ADCY7: variants seen among roughly 807,000 people sequenced by gnomAD.
ADCY7 encodes adenylate cyclase 7, also known as adenylate cyclase type 7.
A neutral mutation model predicts 120.6 loss-of-function variants in ADCY7; 72 were observed. The observed-to-expected ratio is 0.60, with a 90% CI of 0.49 to 0.73. ADCY7 has a LOEUF of 0.73. ADCY7 is among the 30% of genes least tolerant of loss of function. The pLI, the probability that ADCY7 is intolerant of heterozygous loss-of-function variation, is 0.00. For missense variants in ADCY7, 1,227 were observed against 1,486.0 expected (o/e 0.83, Z 2.87); for synonymous variants, 661 against 628.0 (o/e 1.05, Z -0.78).
At chr16:50,272,702 C>G in intron 1 of ADCY7, among the ~76,000 whole-genome samples, 1 of 152,108 alleles carries the variant, frequency 6.6e-6, no homozygotes, top group Non-Finnish European at 1.5e-5. Context: ...GTCTGGGTCT[C>G]CCTCCTCCTG....
chr16:50,312,758 G>GGCCGCCC, intron 21 of ADCY7, 132 bp from the exon 22 acceptor site: 1 of 791,774 alleles, frequency 1.3e-6, no homozygotes, highest in Non-Finnish European at 1.9e-6. Context: ...AACTCATGCA[G>GGCCGCCC]CCCGCCCCCC....
At chr16:50,245,592 A>G (rs1197252520), upstream of ADCY7, among the ~76,000 whole-genome samples, 1 of 152,114 alleles carries the variant, frequency 6.6e-6, no homozygotes, top group African/African-American at 2.4e-5. Context: ...GAGGACACCT[A>G]CAGGGGTGGT....
At chr16:50,277,373 GTAT>G (rs2033960563) in intron 1 of ADCY7, among the ~76,000 whole-genome samples, 2 of 152,150 alleles carry the variant, frequency 1.3e-5, no homozygotes, top group Non-Finnish European at 2.9e-5. Flanking sequence ...ACTTTGTTAG[GTAT>G]TATTAAACTA....
At position 50,314,394 on chromosome 16, in the gene ADCY7, C is replaced by A; in HGVS notation, c.2959C>A (p.Arg987Ser). The A allele has an allele frequency of 6.2e-7, 1 of 1,613,768 alleles. No individual in the cohort carries two copies. Among genetic ancestry groups the A allele is most frequent in the South Asian group, 1.1e-5 (1 of 91,078 alleles). ...CAACAGGCACTCCTTCAACTCCTTC[C>A]GCCTCCGCGTCGGTGAGCCCGGGTG... ...GINRHSFNSFRLRVGINHGPV... is the reference protein window; with the variant it reads ...GINRHSFNSFSLRVGINHGPV... Residue 987 changes from arginine to serine, a missense_variant, in exon 24 of 26, where the codon CGC becomes AGC. Physicochemically the swap from Arg to Ser is moderately radical, Grantham distance 110. Around this residue, in one of 5 missense-constraint regions of ADCY7, gnomAD observed 244 missense variants for 332.8 expected, o/e 0.73. Coordinates refer to ENST00000673801, the MANE Select transcript of ADCY7 (RefSeq NM_001114.5).
Position 50,292,724 on chromosome 16 carries a change from T to G in ADCY7, c.586T>G (p.Phe196Val). 6.2e-7 allele frequency: 1 copy of G among 1,613,962 alleles called. No homozygotes were observed. The highest frequency in any genetic ancestry group is 8.5e-7 in the Non-Finnish European group (1 of 1,179,982). ...CCTGTGTGGGAACCTGACAGGCGCCTTCCACAAGCACCAAATGCAGGATGC... is the reference window on the plus strand; with the variant it reads ...CCTGTGTGGGAACCTGACAGGCGCCGTCCACAAGCACCAAATGCAGGATGC... Reference protein sequence around the residue: ...IFLCGNLTGAFHKHQMQDASR... With the variant: ...IFLCGNLTGAVHKHQMQDASR... The change falls in exon 5 of 26, where the codon TTC becomes GTC. Residue 196 changes from phenylalanine to valine, a missense_variant. By Grantham distance (50) the Phe-to-Val change is conservative. Coordinates refer to ENST00000673801, the MANE Select transcript of ADCY7 (RefSeq NM_001114.5).
chr16:50,317,734 G>GTAA lies in ADCY7; in HGVS notation c.*2231_*2233dup, dbSNP rs1197537516. The GTAA allele has an allele frequency of 2.0e-5, 3 of 152,426 alleles. No homozygotes were observed. The East Asian group carries it at 5.6e-4, about 29-fold the overall frequency. 9.4% of individuals were successfully genotyped at this position (152,426 alleles called of 1,614,324 possible). On this transcript the variant is annotated 3_prime_UTR_variant, in exon 26 of 26. Coordinates refer to ENST00000673801, the MANE Select transcript of ADCY7 (RefSeq NM_001114.5). ...TATGAACTTGTTTTTAAATTACCAA[G>GTAA]TAATTACTGGTGTCATTTTGTTTTA...
rs762471860 is a variant in ADCY7 at position 50,254,621 on chromosome 16, A to T, written c.-64+8418A>T. Among the ~76,000 whole-genome samples the T allele has an allele frequency of 5.6e-4, 86 of 152,244 alleles. 3 individuals are homozygous for T. Among genetic ancestry groups the T allele is most frequent in the Non-Finnish European group, 1.3e-4 (9 of 68,048 alleles). ...TATAAAACAATGAACCAAGAAATGG[A>T]ACAAGATACAAATAGATGGGATTTT... On this transcript the variant is annotated intron_variant, in intron 1 of 4. Transcript: ENST00000564044.
chr16:50,252,086 G>C (rs1282160473), intron 1 of ADCY7, among the ~76,000 whole-genome samples: 1 of 152,094 alleles, frequency 6.6e-6, no homozygotes, highest in Non-Finnish European at 1.5e-5. Context: ...GGGGTGGCTC[G>C]CTGACCACGC....
chr16:50,312,256 G>T, intron 21 of ADCY7, 65 bp downstream of exon 21: 2 of 1,576,580 alleles, frequency 1.3e-6, no homozygotes, highest in Admixed American at 3.4e-5. Context: ...TCCGTAGGGT[G>T]AAGGTGTGGA....
At chr16:50,302,720 G>A (rs2035811242) in intron 10 of ADCY7, among the ~76,000 whole-genome samples, 2 of 152,098 alleles carry the variant, frequency 1.3e-5, no homozygotes, top group African/African-American at 2.4e-5. Context: ...TCCCTCCACA[G>A]GGATTTTCAC....
intron 18 of ADCY7, 96 bp from the exon 19 acceptor site, chr16:50,310,591 G>GAGGTT: frequency 6.3e-7 from 1 of 1,592,910 alleles, no homozygotes; most frequent in Admixed American, 1.7e-5. Context: ...GCGTGATGCT[G>GAGGTT]AGGTGCAGGG....
intron 17 of ADCY7, 82 bp downstream of exon 17, chr16:50,308,874 G>C: frequency 6.7e-7 from 1 of 1,490,794 alleles, no homozygotes; most frequent in Non-Finnish European, 8.9e-7. Context: ...GGCCTTAAAA[G>C]CTGCCTCTGG....
intron 10 of ADCY7, 30 bp from the exon 11 acceptor site, chr16:50,304,330 G>A: frequency 4.9e-6 from 7 of 1,433,250 alleles, no homozygotes; most frequent in South Asian, 1.5e-5. Flanking sequence ...GGAGGAGGTG[G>A]CACAGGCCCA....
rs535307466 is a variant in ADCY7, at chr16:50,286,320, G to A, written c.-268-1592G>A. Among the ~76,000 whole-genome samples the A allele has an allele frequency of 1.0e-4, 15 of 148,640 alleles. No individual in the cohort carries two copies. In the East Asian group the frequency reaches 1.2e-3, roughly 12 times the overall value. ...CCTGCATAGCTGAGGTCCCAGCTAC[G>A]CAGGAGTCTGAGGTGGGAGGATTGC... On this transcript the variant is annotated intron_variant, in intron 1 of 25. Transcript: ENST00000673801.
intron 1 of ADCY7, among the ~76,000 whole-genome samples, chr16:50,260,897 T>C (rs567837561): frequency 2.6e-5 from 4 of 152,272 alleles, no homozygotes; most frequent in Non-Finnish European, 4.4e-5. Flanking sequence ...AGAAGCCGCA[T>C]ATTGTGGTTT....
intron 22 of ADCY7, chr16:50,313,313 G>C (rs2036587222): frequency 1.6e-5 from 5 of 316,512 alleles, no homozygotes; most frequent in South Asian, 1.5e-4. Flanking sequence ...CCAGCTACTT[G>C]GGAGGCTGAG....
At chr16:50,290,728 A>T (rs2150959890) in intron 3 of ADCY7, 68 bp downstream of exon 3, 2 of 1,534,194 alleles carry the variant, frequency 1.3e-6, no homozygotes, top group South Asian at 1.2e-5. Flanking sequence ...GTTGGTGGGC[A>T]TGCCACAGGC....
chr16:50,314,001 C>A lies in ADCY7; in HGVS notation c.2795C>A (p.Thr932Asn). The change falls in exon 23 of 26, where the codon ACC becomes AAC. Residue 932 changes from threonine (T) to asparagine (N), a missense_variant. Transcript: ENST00000673801. ...PKFSGVEKIK[T>N]IGSTYMAAAG... is the part of the protein sequence containing the mutation. Reference sequence around the variant, plus strand: ...TTCAGCGGCGTGGAGAAGATCAAGACCATCGGCAGCACGTACATGGCAGCT... The same window carrying A: ...TTCAGCGGCGTGGAGAAGATCAAGAACATCGGCAGCACGTACATGGCAGCT... 1 of 1,614,180 alleles carries A rather than the reference C, an allele frequency of 6.2e-7. No homozygotes were observed. Among genetic ancestry groups the A allele is most frequent in the Non-Finnish European group, 8.5e-7 (1 of 1,180,004 alleles).
intron 7 of ADCY7, 50 bp from the exon 8 acceptor site, chr16:50,298,854 G>C: frequency 6.3e-7 from 1 of 1,580,644 alleles, no homozygotes; most frequent in South Asian, 1.1e-5. Context: ...TGTCGTGAGA[G>C]GTCCCAGCCC....
Sources: allele counts gnomAD v4.1 joint callset (sites outside exome capture counted in the v4.1 genomes callset), GRCh38; gene constraint gnomAD v4.1.1; regional missense constraint gnomAD v4.1.1; transcripts MANE v1.5; gene names NCBI Gene and HGNC (gene_info 2026-07-23, HGNC 2026-07-21).